The following XIRP2 variants were observed in gnomAD, a reference collection of about 807,000 sequenced individuals.
XIRP2 encodes xin actin-binding repeat-containing protein 2.
Under a neutral mutation model 277.0 loss-of-function variants are expected in XIRP2, and 236 were observed. The ratio of observed to expected loss-of-function variants is 0.85; its 90% CI spans 0.77 to 0.95. The LOEUF is 0.95. Ranked by LOEUF, XIRP2 falls within the 40% of genes least tolerant of loss-of-function variation. XIRP2 has a pLI of 0.00. For synonymous variants in XIRP2, 1,490 were observed against 1,416.5 expected, an observed-to-expected ratio of 1.05 and a Z score of -1.17; for missense variants, 4,640 against 4,157.5, an observed-to-expected ratio of 1.12 and a Z score of -3.19.
At chr2:166,955,176 T>A (rs1329372152) in intron 2 of XIRP2, among the ~76,000 whole-genome samples, 1 of 151,858 alleles carries the variant, frequency 6.6e-6, no homozygotes, top group African/African-American at 2.4e-5. Context: ...GTCTATCAAT[T>A]AGAAAACGGA....
chr2:167,061,047 T>C (rs1037654203), intron 2 of XIRP2, among the ~76,000 whole-genome samples: 1 of 152,144 alleles, frequency 6.6e-6, no homozygotes, highest in Admixed American at 6.6e-5. Flanking sequence ...CAATATTTTA[T>C]AGTATTAAAG....
intron 2 of XIRP2, among the ~76,000 whole-genome samples, chr2:167,076,227 T>G (rs1392448659): frequency 1.1e-4 from 16 of 152,142 alleles, no homozygotes; most frequent in Admixed American, 1.0e-3. Context: ...TAAATAAAAG[T>G]TAAGGTAGCA....
intron 2 of XIRP2, among the ~76,000 whole-genome samples, chr2:167,131,181 A>G (rs1213840497): frequency 6.6e-6 from 1 of 152,066 alleles, no homozygotes; most frequent in Non-Finnish European, 1.5e-5. Flanking sequence ...CCTTCCCCTC[A>G]GTGAGAACAG....
intron 2 of XIRP2, among the ~76,000 whole-genome samples, chr2:166,908,656 C>T (rs1302008821): frequency 1.6e-4 from 25 of 151,980 alleles, no homozygotes; most frequent in Admixed American, 1.0e-3. Context: ...TTTGTTGCCA[C>T]TGCTTTTGGT....
intron 2 of XIRP2, among the ~76,000 whole-genome samples, chr2:166,956,908 A>G (rs1371457269): frequency 2.0e-5 from 3 of 151,852 alleles, no homozygotes; most frequent in Non-Finnish European, 4.4e-5. Flanking sequence ...TTAATTTTGA[A>G]TCAGTTTGAA....
intron 2 of XIRP2, among the ~76,000 whole-genome samples, chr2:167,084,206 T>A (rs1689846661): frequency 6.6e-6 from 1 of 152,128 alleles, no homozygotes; most frequent in South Asian, 2.1e-4. Flanking sequence ...AATAATGTGG[T>A]TTTTGTCTTT....
At position 166,918,549 on chromosome 2, in the gene XIRP2, C is replaced by A. The variant is rs1034307177; in HGVS notation, c.408+14659C>A. ...CCAGTGAATAGAAATATTGAAGGAA[C>A]ATATTTATCTTATTTATCTTTTAAA... On this transcript the variant is annotated intron_variant, in intron 2 of 10. Transcript: ENST00000409195. Among the ~76,000 whole-genome samples the A allele has an allele frequency of 2.6e-5, 4 of 152,026 alleles. No homozygotes were observed. In the East Asian group the frequency reaches 5.8e-4, roughly 22 times the overall value.
At chr2:167,160,985 C>A (rs1029895914) in intron 3 of XIRP2, among the ~76,000 whole-genome samples, 1 of 152,116 alleles carries the variant, frequency 6.6e-6, no homozygotes, top group Non-Finnish European at 1.5e-5. Flanking sequence ...GAGAAATTGG[C>A]CAAAACAAAG....
chr2:167,183,872 A>C (rs749903630), intron 3 of XIRP2, among the ~76,000 whole-genome samples: 1 of 152,180 alleles, frequency 6.6e-6, no homozygotes, highest in Non-Finnish European at 1.5e-5. Flanking sequence ...AGAGATATTA[A>C]ATCTTTCCTC....
At chr2:167,036,278 TGCAG>T in intron 2 of XIRP2, among the ~76,000 whole-genome samples, 1 of 152,116 alleles carries the variant, frequency 6.6e-6, no homozygotes, top group South Asian at 2.1e-4. Context: ...CTGGAAAAGC[TGCAG>T]TCATTCAATA....
At chr2:167,029,253 G>C (rs981739393) in intron 2 of XIRP2, among the ~76,000 whole-genome samples, 2 of 152,142 alleles carry the variant, frequency 1.3e-5, no homozygotes, top group East Asian at 1.9e-4. Context: ...TGTTTAACAG[G>C]TGTGGTGAGA....
chr2:166,912,171 GA>G, intron 2 of XIRP2, among the ~76,000 whole-genome samples: 1 of 152,192 alleles, frequency 6.6e-6, no homozygotes, highest in Non-Finnish European at 1.5e-5. Flanking sequence ...CTAGGTTGGG[GA>G]AGTTCTCCTG....
rs574478168 is a variant in XIRP2, at chr2:167,078,823, G to A, written c.409-57086G>A. ...ACTGCACTCCAGCCTGAGCGACACAGTGAGACTCCGTCTCAAAAAAAAAAA... is the reference window on the plus strand; with the variant it reads ...ACTGCACTCCAGCCTGAGCGACACAATGAGACTCCGTCTCAAAAAAAAAAA... On this transcript the variant is annotated intron_variant, in intron 2 of 10. Transcript: ENST00000409195. Among the ~76,000 whole-genome samples the A allele has an allele frequency of 2.5e-3, 302 of 120,792 alleles. 1 individual carries two copies. The highest frequency in any genetic ancestry group is 8.6e-3 in the African/African-American group (293 of 33,946). 79.2% of individuals were successfully genotyped at this position (120,792 alleles called of 152,430 possible). A position where few individuals can be genotyped will look rare whatever the true frequency, so the allele number is the denominator to read the frequency against.
intron 2 of XIRP2, among the ~76,000 whole-genome samples, chr2:167,013,381 C>T (rs1687734313): frequency 1.3e-5 from 2 of 151,294 alleles, no homozygotes; most frequent in Admixed American, 1.3e-4. Flanking sequence ...CAAGTTGATC[C>T]TCTTTCTTAT....
chr2:167,249,102 T>C lies in XIRP2; in HGVS notation c.7710T>C (p.Ile2570=), dbSNP rs2105445161. Residue 2570 remains isoleucine (I), a synonymous_variant, in exon 9 of 11, where the codon ATT becomes ATC. Coordinates refer to ENST00000409195, the MANE Select transcript of XIRP2 (RefSeq NM_152381.6). ...AACAGGAGAGTTCTTACTACAACAT[T>C]GTTAAAACTCAAAGCCAAAATCAAC... is the stretch of plus-strand genomic sequence containing the variant. The part of the protein sequence containing the change: ...KQKQESSYYN[I]VKTQSQNQHI... 1 of 1,613,668 alleles carries C rather than the reference T, an allele frequency of 6.2e-7. No homozygotes were observed. The highest frequency in any genetic ancestry group is 8.5e-7 in the Non-Finnish European group (1 of 1,179,790).
intron 5 of XIRP2, among the ~76,000 whole-genome samples, chr2:167,239,558 C>A (rs1040138658): frequency 5.9e-5 from 9 of 152,154 alleles, no homozygotes; most frequent in Non-Finnish European, 1.3e-4. Flanking sequence ...CTAGAAGCTG[C>A]AAAAGGCAAG....
intron 3 of XIRP2, among the ~76,000 whole-genome samples, chr2:167,206,221 G>T (rs1693848306): frequency 6.6e-6 from 1 of 152,054 alleles, no homozygotes. Flanking sequence ...CTGGATTGTG[G>T]TAAATATTTT....
intron 1 of XIRP2, among the ~76,000 whole-genome samples, chr2:166,892,162 C>T (rs776422647): frequency 6.6e-6 from 1 of 152,164 alleles, no homozygotes; most frequent in Non-Finnish European, 1.5e-5. Flanking sequence ...TCCAACAATA[C>T]CTTTTTATTC....
intron 2 of XIRP2, among the ~76,000 whole-genome samples, chr2:167,001,634 T>A (rs1043934049): frequency 6.6e-6 from 1 of 152,142 alleles, no homozygotes; most frequent in African/African-American, 2.4e-5. Flanking sequence ...ATAACCTGCA[T>A]TATTAGTTAA....
Sources: allele counts gnomAD v4.1 joint callset (sites outside exome capture counted in the v4.1 genomes callset), GRCh38; gene constraint gnomAD v4.1.1; transcripts MANE v1.5; gene names NCBI Gene and HGNC (gene_info 2026-07-23, HGNC 2026-07-21).